Variants in PTPN9 observed in about 807,000 individuals in gnomAD.
PTPN9 encodes the protein protein tyrosine phosphatase non-receptor type 9.
In PTPN9, 26 loss-of-function variants were observed where a neutral mutation model predicts 69.8. The ratio of observed to expected loss-of-function variants is 0.37; its 90% confidence interval spans 0.27 to 0.52. The LOEUF is 0.52. Among genes scored for constraint, PTPN9 ranks in the 20% least tolerant of loss-of-function variants. The pLI, the probability that PTPN9 is intolerant of heterozygous loss-of-function variation, is 0.91. For missense variants in PTPN9, 549 were observed against 740.3 expected (o/e 0.74, Z 3.00); for synonymous variants, 274 against 272.5 (o/e 1.01, Z -0.05).
At chr15:75,530,678 A>G (rs2074955041) in intron 1 of PTPN9, among the ~76,000 whole-genome samples, 3 of 31,754 alleles carry the variant, frequency 9.4e-5, no homozygotes, top group African/African-American at 2.7e-4. Flanking sequence ...TATTATATAT[A>G]TTATTATATT....
intron 7 of PTPN9, among the ~76,000 whole-genome samples, chr15:75,504,543 C>T (rs561393035): frequency 7.2e-6 from 1 of 139,738 alleles, no homozygotes; most frequent in South Asian, 2.3e-4. Context: ...CAGCCAGCCG[C>T]CCCGTCCAGG....
chr15:75,530,757 A>T (rs1309031122), intron 1 of PTPN9, among the ~76,000 whole-genome samples: 1 of 78,232 alleles, frequency 1.3e-5, no homozygotes, highest in Non-Finnish European at 2.3e-5. Context: ...TATATAATAT[A>T]ATATATTATT....
At chr15:75,516,871 A>G (rs1011284699) in intron 5 of PTPN9, among the ~76,000 whole-genome samples, 1 of 150,198 alleles carries the variant, frequency 6.7e-6, no homozygotes, top group Non-Finnish European at 1.5e-5. Flanking sequence ...CAGCCTCCCG[A>G]GTACCTGGGA....
intron 11 of PTPN9, among the ~76,000 whole-genome samples, chr15:75,470,420 T>G (rs1280705924): frequency 6.6e-6 from 1 of 152,262 alleles, no homozygotes; most frequent in African/African-American, 2.4e-5. Flanking sequence ...CCTCCCAGAG[T>G]GCTGGGATTA....
chr15:75,560,634 G>T (rs1050917793), intron 1 of PTPN9, among the ~76,000 whole-genome samples: 1 of 152,188 alleles, frequency 6.6e-6, no homozygotes, highest in Non-Finnish European at 1.5e-5. Context: ...CACTCTGGGA[G>T]GCCAAAAGAG....
intron 9 of PTPN9, among the ~76,000 whole-genome samples, chr15:75,479,244 T>C (rs936469416): frequency 2.6e-5 from 4 of 151,974 alleles, no homozygotes; most frequent in Non-Finnish European, 5.9e-5. Context: ...GAGGTGGAGG[T>C]TGCAGTGAGT....
At chr15:75,477,636 G>C (rs969299835) in intron 9 of PTPN9, among the ~76,000 whole-genome samples, 6 of 151,934 alleles carry the variant, frequency 3.9e-5, no homozygotes, top group Non-Finnish European at 4.4e-5. Flanking sequence ...AGAAGTTGCA[G>C]ACATTATGAT....
chr15:75,503,545 G>T (rs1458988261), intron 7 of PTPN9, among the ~76,000 whole-genome samples: 1 of 117,308 alleles, frequency 8.5e-6, no homozygotes, highest in Non-Finnish European at 1.9e-5. Context: ...GGAGGGAGGT[G>T]GGGGGGTCAG....
intron 1 of PTPN9, among the ~76,000 whole-genome samples, chr15:75,564,444 A>T (rs2075118017): frequency 6.6e-6 from 1 of 151,508 alleles, no homozygotes. Flanking sequence ...AATACAAAAA[A>T]AATTAGCCAG....
At chr15:75,572,397 A>G (rs1411750124) in intron 1 of PTPN9, among the ~76,000 whole-genome samples, 1 of 152,060 alleles carries the variant, frequency 6.6e-6, no homozygotes, top group Non-Finnish European at 1.5e-5. Context: ...TCACACTGCC[A>G]AACTGCCAGC....
chr15:75,576,259 CA>C (rs926907194), intron 1 of PTPN9, among the ~76,000 whole-genome samples: 1 of 151,906 alleles, frequency 6.6e-6, no homozygotes, highest in Admixed American at 6.6e-5. Context: ...TGGCTGTGTG[CA>C]GTGGCTCACA....
Position 75,491,658 on chromosome 15 carries a change from G to A in PTPN9, c.969-1357C>T, listed in dbSNP as rs562434201. On this transcript the variant is annotated intron_variant, in intron 7 of 12. Transcript: ENST00000618819. ...TGGGCTCAGAAAAAGAAGAGCTATA[G>A]AGAAAGCCTCAGTCTTCTTAGAGAT... Among the ~76,000 whole-genome samples the A allele has an allele frequency of 5.1e-4, 77 of 152,306 alleles. 1 individual carries two copies. The highest frequency in any genetic ancestry group is 4.9e-3 in the Admixed American group (75 of 15,292).
At chr15:75,470,950 T>TTAC in intron 10 of PTPN9, 120 bp from the exon 11 acceptor site, 1 of 1,201,174 alleles carries the variant, frequency 8.3e-7, no homozygotes, top group East Asian at 2.4e-5. Flanking sequence ...TGCTTCTAAC[T>TTAC]TACACCATTG....
At chr15:75,573,753 G>A (rs1055719302) in intron 1 of PTPN9, among the ~76,000 whole-genome samples, 23 of 152,176 alleles carry the variant, frequency 1.5e-4, no homozygotes, top group Admixed American at 2.6e-4. Flanking sequence ...GAGCAAAAGC[G>A]AAAATAATCC....
intron 1 of PTPN9, among the ~76,000 whole-genome samples, chr15:75,531,783 T>A (rs2074965275): frequency 6.6e-6 from 1 of 151,768 alleles, no homozygotes; most frequent in Non-Finnish European, 1.5e-5. Context: ...ATGGTCTCGA[T>A]CTCCTCACCT....
intron 1 of PTPN9, among the ~76,000 whole-genome samples, chr15:75,573,004 A>T (rs2075155889): frequency 6.6e-6 from 1 of 152,196 alleles, no homozygotes. Flanking sequence ...AACAAAACCA[A>T]ACACATATAT....
At chr15:75,497,390 G>T (rs1177475027) in intron 7 of PTPN9, among the ~76,000 whole-genome samples, 1 of 152,140 alleles carries the variant, frequency 6.6e-6, no homozygotes, top group East Asian at 1.9e-4. Flanking sequence ...TACTAGGAAG[G>T]CTAAGGCAAG....
Position 75,479,909 on chromosome 15 carries a change from ATCTG to A in PTPN9, c.1064_1067del (p.Thr355IlefsTer42). 1.9e-6 allele frequency: 3 copies of A among 1,604,692 alleles called. No individual in the cohort carries two copies. Among genetic ancestry groups the A allele is most frequent in the South Asian group, 1.1e-5 (1 of 90,148 alleles). ...CATCCATGAAACTGGCATTGATGTAATCTGTCTAATGATAAAAAGGAGACATCAC... is the reference window on the plus strand; with the variant it reads ...CATCCATGAAACTGGCATTGATGTAATCTAATGATAAAAAGGAGACATCAC... On this transcript the variant is annotated frameshift_variant and splice_region_variant, in exon 9 of 13. Coordinates refer to ENST00000618819, the MANE Select transcript of PTPN9 (RefSeq NM_002833.4). LOFTEE classifies it high-confidence loss of function.
chr15:75,470,865 G>A (rs745607169), intron 10 of PTPN9, 35 bp from the exon 11 acceptor site: 23 of 1,607,140 alleles, frequency 1.4e-5, no homozygotes, highest in South Asian at 3.3e-5. Flanking sequence ...GCCTTCCATC[G>A]TTCCTCTCCA....
Sources: allele counts gnomAD v4.1 joint callset (sites outside exome capture counted in the v4.1 genomes callset), GRCh38; gene constraint gnomAD v4.1.1; transcripts MANE v1.5; gene names NCBI Gene and HGNC (gene_info 2026-07-23, HGNC 2026-07-21).